PDE4B: variants seen among roughly 807,000 people sequenced by gnomAD.
PDE4B encodes the protein 3',5'-cyclic-AMP phosphodiesterase 4B.
Under a neutral mutation model 82.2 loss-of-function variants are expected in PDE4B, and 20 were observed. That is an observed-to-expected ratio of 0.24 (90% CI 0.17 to 0.35). PDE4B has a LOEUF of 0.35. PDE4B is among the 10% of genes least tolerant of loss of function. The pLI, the probability that PDE4B is intolerant of heterozygous loss-of-function variation, is 1.00. For synonymous variants in PDE4B, 320 were observed against 318.9 expected (o/e 1.00, Z -0.04); for missense variants, 655 against 907.2 (o/e 0.72, Z 3.57).
At chr1:66,277,401 A>AT (rs1557674743) in intron 7 of PDE4B, among the ~76,000 whole-genome samples, 2 of 151,886 alleles carry the variant, frequency 1.3e-5, no homozygotes, top group African/African-American at 2.4e-5. Flanking sequence ...TTATTTATTT[A>AT]TTTTTTGTTT....
At chr1:65,986,232 A>G (rs1367234796) in intron 3 of PDE4B, among the ~76,000 whole-genome samples, 1 of 152,226 alleles carries the variant, frequency 6.6e-6, no homozygotes, top group Non-Finnish European at 1.5e-5. Context: ...ACGATAGTTT[A>G]TGTCCTTGGA....
chr1:65,913,291 GA>G lies in PDE4B; in HGVS notation c.-23del. 6.8e-6 allele frequency: 11 copies of G among 1,609,364 alleles called. No individual in the cohort carries two copies. The highest frequency in any genetic ancestry group is 9.4e-6 in the Non-Finnish European group (11 of 1,175,818). On this transcript the variant is annotated 5_prime_UTR_variant, in exon 2 of 17. Coordinates refer to ENST00000341517, the MANE Select transcript of PDE4B (RefSeq NM_002600.4). Reference sequence around the variant, plus strand: ...CTGCATTGAATAACAGACATCCTAAGAGGGGATATTTTCCACCTCTATAATG... The same window carrying G: ...CTGCATTGAATAACAGACATCCTAAGGGGGATATTTTCCACCTCTATAATG...
intron 3 of PDE4B, among the ~76,000 whole-genome samples, chr1:66,107,726 A>G (rs1167038321): frequency 6.6e-6 from 1 of 151,926 alleles, no homozygotes; most frequent in Non-Finnish European, 1.5e-5. Context: ...GAGATAGATA[A>G]AGTAAGTCTT....
At chr1:66,318,775 C>A (rs2101885717) in intron 7 of PDE4B, among the ~76,000 whole-genome samples, 1 of 152,232 alleles carries the variant, frequency 6.6e-6, no homozygotes, top group Non-Finnish European at 1.5e-5. Flanking sequence ...ATTTATTGAG[C>A]AATTTACATC....
intron 3 of PDE4B, among the ~76,000 whole-genome samples, chr1:66,204,946 G>A (rs1288293098): frequency 6.6e-6 from 1 of 152,198 alleles, no homozygotes; most frequent in Non-Finnish European, 1.5e-5. Context: ...CGCTCATGCT[G>A]GGAGCTGTAG....
chr1:65,799,215 C>G (rs1221982701), intron 1 of PDE4B, among the ~76,000 whole-genome samples: 1 of 152,142 alleles, frequency 6.6e-6, no homozygotes, highest in African/African-American at 2.4e-5. Flanking sequence ...AGAAAACTGA[C>G]ATGTTAAAAA....
intron 1 of PDE4B, among the ~76,000 whole-genome samples, chr1:65,886,220 AAACT>A (rs1450575486): frequency 6.6e-6 from 1 of 152,128 alleles, no homozygotes; most frequent in African/African-American, 2.4e-5. Context: ...AATATTATAC[AAACT>A]ATTATTTTTT....
At chr1:66,274,937 G>T (rs1323134134) in intron 7 of PDE4B, among the ~76,000 whole-genome samples, 3 of 152,102 alleles carry the variant, frequency 2.0e-5, no homozygotes, top group Admixed American at 2.0e-4. Context: ...AGTAATTTTT[G>T]AAGTTTAAGA....
intron 1 of PDE4B, among the ~76,000 whole-genome samples, chr1:65,868,892 T>A (rs1646542580): frequency 6.6e-6 from 1 of 152,202 alleles, no homozygotes; most frequent in Non-Finnish European, 1.5e-5. Flanking sequence ...GATGATCTGA[T>A]GTGGAACAGT....
chr1:66,234,753 G>T (rs1357750098), intron 3 of PDE4B, among the ~76,000 whole-genome samples: 2 of 150,546 alleles, frequency 1.3e-5, no homozygotes, highest in South Asian at 2.1e-4. Flanking sequence ...AACCTGTTTT[G>T]GCTTCACTGA....
intron 3 of PDE4B, among the ~76,000 whole-genome samples, chr1:66,165,823 T>G (rs1002293705): frequency 1.3e-5 from 2 of 152,118 alleles, no homozygotes; most frequent in Non-Finnish European, 2.9e-5. Context: ...CCCAGATTCG[T>G]TTACAGATTC....
intron 3 of PDE4B, among the ~76,000 whole-genome samples, chr1:66,090,621 A>ATGTGTGTGTGTGTGTGTG (rs146947689): frequency 6.5e-5 from 8 of 122,732 alleles, no homozygotes; most frequent in East Asian, 6.4e-4. Context: ...TATATAATAT[A>ATGTGTGTGTGTGTGTGTG]TGTGTGTGTG....
At chr1:66,056,670 T>G (rs1160971411) in intron 3 of PDE4B, among the ~76,000 whole-genome samples, 1 of 151,032 alleles carries the variant, frequency 6.6e-6, no homozygotes. Context: ...GGAAGACCTT[T>G]TATGCCTTTC....
intron 3 of PDE4B, among the ~76,000 whole-genome samples, chr1:66,115,113 A>G (rs927943416): frequency 6.6e-6 from 1 of 152,202 alleles, no homozygotes; most frequent in Non-Finnish European, 1.5e-5. Flanking sequence ...TGGAGCCTAA[A>G]TGACCATTGG....
At chr1:65,876,644 G>T (rs564831126) in intron 1 of PDE4B, among the ~76,000 whole-genome samples, 1 of 152,072 alleles carries the variant, frequency 6.6e-6, no homozygotes, top group Non-Finnish European at 1.5e-5. Context: ...AACAGCTGTT[G>T]ATTAATAAAT....
chr1:66,147,779 G>C (rs946060950), intron 3 of PDE4B, among the ~76,000 whole-genome samples: 1 of 152,198 alleles, frequency 6.6e-6, no homozygotes, highest in African/African-American at 2.4e-5. Flanking sequence ...AGAAACTAGA[G>C]TGAGAAAGCC....
intron 7 of PDE4B, among the ~76,000 whole-genome samples, chr1:66,301,765 T>C (rs1288765925): frequency 3.9e-5 from 6 of 152,184 alleles, no homozygotes; most frequent in Non-Finnish European, 8.8e-5. Context: ...GCAGGCATAA[T>C]TGAGTTGCTT....
intron 3 of PDE4B, among the ~76,000 whole-genome samples, chr1:66,036,991 G>A (rs565237924): frequency 2.5e-4 from 38 of 151,880 alleles, no homozygotes; most frequent in South Asian, 6.3e-4. Context: ...AAAGTTCGCC[G>A]GGTATGGTGG....
At chr1:66,250,755 A>C (rs1653703111) in intron 4 of PDE4B, among the ~76,000 whole-genome samples, 1 of 152,228 alleles carries the variant, frequency 6.6e-6, no homozygotes, top group South Asian at 2.1e-4. Flanking sequence ...TAGTAAGGCC[A>C]GTTTTACTGC....
Sources: gnomAD v4.1 joint callset for allele counts (sites outside exome capture counted in the v4.1 genomes callset) on GRCh38, gnomAD v4.1.1 for gene constraint, MANE v1.5 for transcripts, NCBI Gene and HGNC (gene_info 2026-07-23, HGNC 2026-07-21) for gene names.